RAD18: variants seen among roughly 807,000 people sequenced by gnomAD.
RAD18 encodes E3 ubiquitin-protein ligase RAD18.
RAD18 carries 47 observed loss-of-function variants against 60.4 expected under a neutral mutation model. The observed-to-expected ratio is 0.78, with a 90% CI of 0.62 to 0.99. RAD18 has a LOEUF of 0.99. Ranked by LOEUF, RAD18 falls within the 50% of genes least tolerant of loss-of-function variation. The pLI is 0.00. For missense variants in RAD18, 640 were observed against 593.3 expected (o/e 1.08, Z -0.82); for synonymous variants, 225 against 195.5 (o/e 1.15, Z -1.26).
intron 7 of RAD18, among the ~76,000 whole-genome samples, chr3:8,933,247 G>C (rs1274131272): frequency 6.6e-6 from 1 of 152,058 alleles, no homozygotes; most frequent in Non-Finnish European, 1.5e-5. Context: ...CCACTTATGT[G>C]ACAGTCTAGA....
intron 5 of RAD18, among the ~76,000 whole-genome samples, chr3:8,940,315 T>C (rs570221234): frequency 4.5e-4 from 68 of 152,304 alleles, no homozygotes; most frequent in Middle Eastern, 3.4e-3. Context: ...TTATACGTTA[T>C]GGTTTATCGT....
intron 9 of RAD18, among the ~76,000 whole-genome samples, chr3:8,908,678 C>G (rs1940056214): frequency 6.6e-6 from 1 of 152,054 alleles, no homozygotes; most frequent in Non-Finnish European, 1.5e-5. Flanking sequence ...TTTTGGCAAC[C>G]CTAGCACACT....
intron 9 of RAD18, among the ~76,000 whole-genome samples, chr3:8,904,948 C>T (rs1448703240): frequency 6.6e-6 from 1 of 152,186 alleles, no homozygotes; most frequent in Non-Finnish European, 1.5e-5. Context: ...CTAATTACCC[C>T]ACAGCTAGGC....
chr3:8,902,299 A>T lies in RAD18; in HGVS notation c.1168+81T>A, dbSNP rs201219006. The T allele has an allele frequency of 2.1e-5, 28 of 1,302,462 alleles. No homozygotes were observed. In the East Asian group the frequency reaches 7.7e-4, roughly 36 times the overall value. 80.7% of individuals were successfully genotyped at this position (1,302,462 alleles called of 1,614,324 possible). A position where few individuals can be genotyped will look rare whatever the true frequency, so the allele number is the denominator to read the frequency against. Reference sequence around the variant, plus strand: ...TCAAAGAACTAAGAACTCCAAAGTAAATTTCTTTGGTTTAATTTTTTCATA... The same window carrying T: ...TCAAAGAACTAAGAACTCCAAAGTATATTTCTTTGGTTTAATTTTTTCATA... On this transcript the variant is annotated intron_variant, in intron 10 of 12. Coordinates refer to ENST00000264926, the MANE Select transcript of RAD18 (RefSeq NM_020165.4).
chr3:8,958,836 T>C (rs564907935), intron 2 of RAD18, 84 bp downstream of exon 2: 5 of 1,051,090 alleles, frequency 4.8e-6, no homozygotes, highest in African/African-American at 1.6e-5. Context: ...AACATAAATA[T>C]GTGCACATAT....
intron 1 of RAD18, among the ~76,000 whole-genome samples, chr3:8,959,719 T>C (rs1223887234): frequency 6.6e-6 from 1 of 152,100 alleles, no homozygotes; most frequent in Non-Finnish European, 1.5e-5. Flanking sequence ...CTAAAATCTT[T>C]CAAATTGTTT....
At chr3:8,900,291 C>T (rs950580650) in intron 10 of RAD18, among the ~76,000 whole-genome samples, 43 of 152,194 alleles carry the variant, frequency 2.8e-4, no homozygotes, top group Admixed American at 1.7e-3. Flanking sequence ...AAACAGATAC[C>T]AGAATCACAT....
At chr3:8,941,431 A>G (rs772748627) in intron 5 of RAD18, 36 bp downstream of exon 5, 4 of 1,477,624 alleles carry the variant, frequency 2.7e-6, no homozygotes, top group African/African-American at 2.8e-5. Context: ...GGATGAAAAG[A>G]TGTCCATATT....
intron 5 of RAD18, among the ~76,000 whole-genome samples, chr3:8,940,308 T>C (rs1940725930): frequency 6.6e-6 from 1 of 152,210 alleles, no homozygotes; most frequent in African/African-American, 2.4e-5. Flanking sequence ...ATCTATTTTA[T>C]ACGTTATGGT....
intron 7 of RAD18, among the ~76,000 whole-genome samples, chr3:8,934,064 T>C (rs912546965): frequency 1.3e-5 from 2 of 151,840 alleles, no homozygotes; most frequent in Non-Finnish European, 2.9e-5. Context: ...CAATGAGTGG[T>C]GCTGCATCAA....
intron 1 of RAD18, among the ~76,000 whole-genome samples, chr3:8,960,265 A>G (rs1011028491): frequency 2.0e-5 from 3 of 152,204 alleles, no homozygotes; most frequent in Non-Finnish European, 2.9e-5. Flanking sequence ...CGTGATTGCC[A>G]CTGCATTCCA....
chr3:8,942,811 CT>C (rs1231148728), intron 4 of RAD18, among the ~76,000 whole-genome samples: 1 of 152,198 alleles, frequency 6.6e-6, no homozygotes, highest in East Asian at 1.9e-4. Context: ...TCCATTCCTG[CT>C]CATTTCCAGG....
At chr3:8,949,787 T>C (rs137879339) in intron 2 of RAD18, among the ~76,000 whole-genome samples, 90 of 152,252 alleles carry the variant, frequency 5.9e-4, no homozygotes, top group African/African-American at 2.1e-3. Context: ...TGGGAGAACC[T>C]GAGCTGTAAT....
At chr3:8,937,068 C>T (rs1161930662) in intron 6 of RAD18, among the ~76,000 whole-genome samples, 3 of 152,098 alleles carry the variant, frequency 2.0e-5, no homozygotes, top group African/African-American at 7.2e-5. Flanking sequence ...GTGAAAAGAC[C>T]TGCAAACTCT....
intron 7 of RAD18, among the ~76,000 whole-genome samples, chr3:8,914,980 TAA>T (rs147971655): frequency 9.9e-5 from 15 of 151,762 alleles, no homozygotes; most frequent in Admixed American, 8.5e-4. Flanking sequence ...CCACTAAAAA[TAA>T]AAAAAAATTT....
intron 1 of RAD18, among the ~76,000 whole-genome samples, chr3:8,961,595 T>G (rs1941095829): frequency 1.3e-5 from 2 of 152,248 alleles, no homozygotes; most frequent in Non-Finnish European, 2.9e-5. Context: ...CTGATAGTTC[T>G]TTGTGCCTGG....
chr3:8,957,108 C>T (rs1941027961), intron 2 of RAD18, among the ~76,000 whole-genome samples: 1 of 152,186 alleles, frequency 6.6e-6, no homozygotes, highest in East Asian at 1.9e-4. Flanking sequence ...AGTCAGAAGA[C>T]GAAAGGTCAA....
At chr3:8,912,569 AT>A (rs988729156) in intron 8 of RAD18, 197 bp from the exon 9 acceptor site, 5 of 352,678 alleles carry the variant, frequency 1.4e-5, no homozygotes, top group Non-Finnish European at 2.0e-5. Context: ...TTTACTCATT[AT>A]TTTTTCTCAT....
At chr3:8,959,518 A>G (rs1393285138) in intron 1 of RAD18, among the ~76,000 whole-genome samples, 1 of 152,220 alleles carries the variant, frequency 6.6e-6, no homozygotes, top group Admixed American at 6.5e-5. Flanking sequence ...CAGTCAAGCC[A>G]AGACCAAAAT....
Sources: allele counts gnomAD v4.1 joint callset (sites outside exome capture counted in the v4.1 genomes callset), GRCh38; gene constraint gnomAD v4.1.1; transcripts MANE v1.5; gene names NCBI Gene and HGNC (gene_info 2026-07-23, HGNC 2026-07-21).